CLPSL2: variants seen among roughly 807,000 people sequenced by gnomAD.
The protein encoded by CLPSL2 is colipase-like protein 2.
In CLPSL2, 4 loss-of-function variants were observed where a neutral mutation model predicts 7.9. The observed-to-expected ratio is 0.50, with a 90% CI of 0.25 to 1.15. The LOEUF is 1.15. Among genes scored for constraint, CLPSL2 ranks in the 50% most tolerant of loss-of-function variants. The pLI, the probability that CLPSL2 is intolerant of heterozygous loss-of-function variation, is 0.15. For missense variants in CLPSL2, 132 were observed against 136.6 expected (o/e 0.97, Z 0.17); for synonymous variants, 67 against 53.1 (o/e 1.26, Z -1.14).
rs780117039 is a variant in CLPSL2 at position 35,777,447 on chromosome 6, C to G, written c.85-12C>G. ...GCTCCCAGCCTGGCAGACATTCTGC[C>G]TGTCCCCACAGAAAATCACAGACAG... On this transcript the variant is annotated splice_polypyrimidine_tract_variant and intron_variant, in intron 1 of 2. Coordinates refer to ENST00000403376, the MANE Select transcript of CLPSL2 (RefSeq NM_207409.4). The G allele has an allele frequency of 3.7e-6, 6 of 1,613,038 alleles. No homozygotes were observed. Among genetic ancestry groups the G allele is most frequent in the Non-Finnish European group, 5.1e-6 (6 of 1,179,618 alleles).
chr6:35,776,645 G>A lies in CLPSL2; in HGVS notation c.27G>A (p.Ala9=), dbSNP rs766309715. Residue 9 remains alanine (A), a synonymous_variant, in exon 1 of 3, where the codon GCG becomes GCA. Transcript: ENST00000403376. MAAALALV[A]GVLSGAVLPL... ...TGGCCGCAGCCCTGGCGCTCGTGGC[G>A]GGGGTCCTGTCGGGGGCGGTGCTGC... 3.4e-5 allele frequency: 51 copies of A among 1,496,260 alleles called. No individual in the cohort carries two copies. The South Asian group carries it at 3.8e-4, about 11-fold the overall frequency. 92.7% of individuals were successfully genotyped at this position (1,496,260 alleles called of 1,614,324 possible). A position where few individuals can be genotyped will look rare whatever the true frequency, so the allele number is the denominator to read the frequency against.
intron 2 of CLPSL2, among the ~76,000 whole-genome samples, chr6:35,778,681 G>T (rs548264408): frequency 6.6e-6 from 1 of 152,366 alleles, no homozygotes; most frequent in South Asian, 2.1e-4. Context: ...AACCTTTCTA[G>T]GATGGATGGA....
In CLPSL2 at chr6:35,776,695, A is replaced by C; in HGVS notation, c.77A>C (p.Tyr26Ser). 2 of 1,442,006 alleles carry C rather than the reference A, an allele frequency of 1.4e-6. No individual in the cohort carries two copies. The highest frequency in any genetic ancestry group is 2.7e-5 in the South Asian group (2 of 72,902). 89.3% of individuals were successfully genotyped at this position (1,442,006 alleles called of 1,614,324 possible). ...CCCCTCTGGAGCGCGCTTCCGCAAT[A>C]TAAAAAGGTGAGCCGGGGAGCGCGC... is the stretch of plus-strand genomic sequence containing the variant. ...VLPLWSALPQ[Y>S]KKKITDRCFH... Residue 26 changes from tyrosine (Y) to serine (S), a missense_variant, in exon 1 of 3, where the codon TAT (tyrosine) becomes TCT (serine). Physicochemically the swap from Tyr to Ser is moderately radical, Grantham distance 144. Coordinates refer to ENST00000403376, the MANE Select transcript of CLPSL2 (RefSeq NM_207409.4).
At position 35,777,535 on chromosome 6, in the gene CLPSL2, C is replaced by A. The variant is rs770405782; in HGVS notation, c.161C>A (p.Ala54Asp). 32 of 1,613,664 alleles carry A rather than the reference C, an allele frequency of 2.0e-5. No homozygotes were observed. Among genetic ancestry groups the A allele is most frequent in the African/African-American group, 1.6e-4 (12 of 74,910 alleles). Residue 54 changes from alanine (A) to aspartate (D), a missense_variant, in exon 2 of 3, where the codon GCC becomes GAC. Physicochemically the swap from Ala to Asp is moderately radical, Grantham distance 126. Transcript: ENST00000403376. ...CTCATGGACTTGGACTCCGGTGGAG[C>A]CTTCTGTGCCCCCAGGGCCAGAATA... ...CCLMDLDSGG[A>D]FCAPRARITM...
chr6:35,779,265 TG>T, intron 2 of CLPSL2, 89 bp from the exon 3 acceptor site: 2 of 1,058,424 alleles, frequency 1.9e-6, no homozygotes, highest in Non-Finnish European at 1.4e-6. Flanking sequence ...ACTCCAGGCC[TG>T]GTACTCTTGG....
At chr6:35,779,036 C>T (rs559003090) in intron 2 of CLPSL2, among the ~76,000 whole-genome samples, 11 of 152,126 alleles carry the variant, frequency 7.2e-5, no homozygotes, top group South Asian at 2.1e-4. Context: ...CCTTCCAAAG[C>T]GCTGGGATTA....
Position 35,778,054 on chromosome 6 carries a change from C to T in CLPSL2, c.207+473C>T, listed in dbSNP as rs1197346185. 3 of 582,490 alleles carry T rather than the reference C, an allele frequency of 5.2e-6. No homozygotes were observed. In the African/African-American group the frequency reaches 5.6e-5, roughly 11 times the overall value. 36.1% of individuals were successfully genotyped at this position (582,490 alleles called of 1,614,324 possible). A position where few individuals can be genotyped will look rare whatever the true frequency, so the allele number is the denominator to read the frequency against. On this transcript the variant is annotated intron_variant, in intron 2 of 2. Coordinates refer to ENST00000403376, the MANE Select transcript of CLPSL2 (RefSeq NM_207409.4). ...CACTGCAACCTCTGCCTCCTGGGTT[C>T]AAGCGATTCTTGGGCCTCAGCCTCC...
At chr6:35,777,913 C>G (rs1483055858) in intron 2 of CLPSL2, 2 of 717,462 alleles carry the variant, frequency 2.8e-6, no homozygotes, top group Non-Finnish European at 5.2e-6. Context: ...CTACCCCCAG[C>G]TTAGTATCTG....
At chr6:35,776,944 C>A (rs529766282) in intron 1 of CLPSL2, 19 of 432,558 alleles carry the variant, frequency 4.4e-5, no homozygotes, top group Middle Eastern at 1.2e-3. Flanking sequence ...CCACCTCCCC[C>A]GCCCGTGCCC....
chr6:35,778,722 G>A (rs1767895678), intron 2 of CLPSL2, among the ~76,000 whole-genome samples: 1 of 152,218 alleles, frequency 6.6e-6, no homozygotes, highest in African/African-American at 2.4e-5. Flanking sequence ...GTGGGGAGTT[G>A]CCAATGCCCT....
At chr6:35,777,872 A>G in intron 2 of CLPSL2, 1 of 717,784 alleles carries the variant, frequency 1.4e-6, no homozygotes. Flanking sequence ...CTTCAAGGGC[A>G]GGGATCGCAT....
At chr6:35,777,340 A>C in intron 1 of CLPSL2, 119 bp from the exon 2 acceptor site, 1 of 1,182,362 alleles carries the variant, frequency 8.5e-7, no homozygotes, top group Non-Finnish European at 1.2e-6. Flanking sequence ...AAGGGGTGAC[A>C]ACCTCATGAC....
intron 1 of CLPSL2, chr6:35,776,926 C>T (rs1767848676): frequency 4.5e-6 from 2 of 440,760 alleles, no homozygotes; most frequent in Non-Finnish European, 8.0e-6. Context: ...CCAGCACCCT[C>T]GCTCCCTCCA....
Position 35,779,447 on chromosome 6 carries a change from T to A in CLPSL2, c.300T>A (p.Ile100=). ...TGTGTTCCCGCCGGTGCCATATGATTTAGAGGAAGATGCAGGCTGGTCACT... is the reference window on the plus strand; with the variant it reads ...TGTGTTCCCGCCGGTGCCATATGATATAGAGGAAGATGCAGGCTGGTCACT... ...DLMCSRRCHM[I] The change falls in exon 3 of 3, where the codon ATT becomes ATA. Residue 100 remains isoleucine (I), a synonymous_variant. Coordinates refer to ENST00000403376, the MANE Select transcript of CLPSL2 (RefSeq NM_207409.4). 4 of 1,578,396 alleles carry A rather than the reference T, an allele frequency of 2.5e-6. No homozygotes were observed. The highest frequency in any genetic ancestry group is 3.4e-6 in the Non-Finnish European group (4 of 1,161,848).
chr6:35,777,624 G>A lies in CLPSL2; in HGVS notation c.207+43G>A, dbSNP rs1339118975. The A allele has an allele frequency of 1.0e-5, 16 of 1,564,324 alleles. 1 individual carries two copies. The Admixed American group carries it at 1.2e-4, about 12-fold the overall frequency. On this transcript the variant is annotated intron_variant, in intron 2 of 2. Transcript: ENST00000403376. ...GGCAACTTCTGGCAAGTAGAGAAGC[G>A]GGCAGGGAGGTTAAAAAAAAAACAC...
At position 35,779,490 on chromosome 6, in the gene CLPSL2, G is replaced by A. The variant is rs753365248; in HGVS notation, c.*40G>A. On this transcript the variant is annotated 3_prime_UTR_variant, in exon 3 of 3. Transcript: ENST00000403376. ...TGGTCACTGCTCCCTTGGGGCCATA[G>A]GCCCTGGTTGCCACCAACTTGCTCC... The A allele has an allele frequency of 1.4e-5, 22 of 1,553,960 alleles. No individual in the cohort carries two copies. The South Asian group carries it at 2.6e-4, about 18-fold the overall frequency.
intron 2 of CLPSL2, among the ~76,000 whole-genome samples, chr6:35,778,332 C>T (rs1382244278): frequency 6.6e-6 from 1 of 152,250 alleles, no homozygotes; most frequent in African/African-American, 2.4e-5. Context: ...TGACCTTCCC[C>T]TTACTAGTCC....
chr6:35,777,596 T>G lies in CLPSL2; in HGVS notation c.207+15T>G. 2 of 1,606,130 alleles carry G rather than the reference T, an allele frequency of 1.2e-6. No homozygotes were observed. Among genetic ancestry groups the G allele is most frequent in the Non-Finnish European group, 1.7e-6 (2 of 1,176,344 alleles). On this transcript the variant is annotated intron_variant, in intron 2 of 2. Coordinates refer to ENST00000403376, the MANE Select transcript of CLPSL2 (RefSeq NM_207409.4). ...GCTTGCCCCAGGTGAGGCCCTAGTA[T>G]GGGGCAACTTCTGGCAAGTAGAGAA...
rs1390437461 is a variant in CLPSL2 at position 35,777,467 on chromosome 6, A to G, written c.93A>G (p.Thr31=). ...TCTGCCTGTCCCCACAGAAAATCAC[A>G]GACAGGTGCTTCCACCACTCTGAGT... ...SALPQYKKKI[T]DRCFHHSECY... Residue 31 remains threonine (T), a synonymous_variant, in exon 2 of 3, where the codon ACA becomes ACG. Coordinates refer to ENST00000403376, the MANE Select transcript of CLPSL2 (RefSeq NM_207409.4). 6.2e-7 allele frequency: 1 copy of G among 1,613,358 alleles called. No homozygotes were observed. The highest frequency in any genetic ancestry group is 8.5e-7 in the Non-Finnish European group (1 of 1,179,702).
Sources: allele counts gnomAD v4.1 joint callset (sites outside exome capture counted in the v4.1 genomes callset), GRCh38; gene constraint gnomAD v4.1.1; transcripts MANE v1.5; gene names NCBI Gene and HGNC (gene_info 2026-07-23, HGNC 2026-07-21).